Variants in CREB5 observed in about 807,000 individuals in gnomAD.
CREB5 encodes the protein cyclic AMP-responsive element-binding protein 5.
Under a neutral mutation model 57.1 loss-of-function variants are expected in CREB5, and 19 were observed. That is an observed-to-expected ratio of 0.33 (90% confidence interval 0.23 to 0.49). CREB5 has a LOEUF of 0.49. Among genes scored for constraint, CREB5 ranks in the 20% least tolerant of loss-of-function variants. The pLI is 0.99. For missense variants in CREB5, 579 were observed against 671.6 expected, an observed-to-expected ratio of 0.86 and a Z score of 1.52; for synonymous variants, 238 against 238.3, an observed-to-expected ratio of 1.00 and a Z score of 0.01.
intron 1 of CREB5, among the ~76,000 whole-genome samples, chr7:28,420,334 T>C (rs1788191111): frequency 6.6e-6 from 1 of 152,238 alleles, no homozygotes; most frequent in Non-Finnish European, 1.5e-5. Flanking sequence ...GTAAATCATG[T>C]GGCTGCTTTA....
intron 1 of CREB5, among the ~76,000 whole-genome samples, chr7:28,303,644 G>C (rs1395186089): frequency 6.6e-6 from 1 of 152,180 alleles, no homozygotes; most frequent in Non-Finnish European, 1.5e-5. Flanking sequence ...GACCTTCTAT[G>C]AGGCAGTAAA....
chr7:28,710,639 T>C (rs1226974881), intron 5 of CREB5, among the ~76,000 whole-genome samples: 1 of 152,122 alleles, frequency 6.6e-6, no homozygotes, highest in Non-Finnish European at 1.5e-5. Flanking sequence ...TAAACATAAA[T>C]CATTGATGAA....
At chr7:28,421,309 A>G (rs938144885) in intron 1 of CREB5, among the ~76,000 whole-genome samples, 5 of 152,212 alleles carry the variant, frequency 3.3e-5, no homozygotes, top group Non-Finnish European at 5.9e-5. Context: ...AAGGTGCTAC[A>G]AAAACATGAT....
intron 3 of CREB5, among the ~76,000 whole-genome samples, chr7:28,495,792 A>G (rs1243043536): frequency 6.6e-6 from 1 of 152,218 alleles, no homozygotes; most frequent in Non-Finnish European, 1.5e-5. Flanking sequence ...CTCTTTCTGG[A>G]TTGAGATGGT....
chr7:28,616,190 C>T (rs1320358525), intron 5 of CREB5, among the ~76,000 whole-genome samples: 1 of 152,152 alleles, frequency 6.6e-6, no homozygotes, highest in Admixed American at 6.5e-5. Flanking sequence ...GGCAGGAATA[C>T]TTCCCATGTG....
intron 6 of CREB5, among the ~76,000 whole-genome samples, chr7:28,720,771 G>A (rs948685834): frequency 1.1e-4 from 16 of 152,106 alleles, no homozygotes; most frequent in Admixed American, 1.0e-3. Context: ...CCAACTACGT[G>A]AAGACTTCCA....
intron 1 of CREB5, among the ~76,000 whole-genome samples, chr7:28,396,393 AC>A (rs1158002394): frequency 6.6e-6 from 1 of 152,176 alleles, no homozygotes; most frequent in East Asian, 1.9e-4. Context: ...GTATTTTTGC[AC>A]CTGTTGGGGA....
chr7:28,662,466 G>A (rs2128714261), intron 5 of CREB5, among the ~76,000 whole-genome samples: 1 of 152,326 alleles, frequency 6.6e-6, no homozygotes, highest in African/African-American at 2.4e-5. Context: ...AATGGCGGTG[G>A]TTAAACTTGG....
chr7:28,671,950 C>G (rs1287108327), intron 5 of CREB5, among the ~76,000 whole-genome samples: 1 of 152,172 alleles, frequency 6.6e-6, no homozygotes, highest in Non-Finnish European at 1.5e-5. Context: ...TATTATTACA[C>G]TTTCTTAATC....
intron 1 of CREB5, among the ~76,000 whole-genome samples, chr7:28,416,645 A>G (rs42719): frequency 0.71 from 108,508 of 152,078 alleles, 39,955 homozygotes; most frequent in East Asian, 0.96. Context: ...TAGGAGGAGA[A>G]ACAATATTAT....
At chr7:28,479,178 A>G (rs1319364958) in intron 1 of CREB5, among the ~76,000 whole-genome samples, 1 of 152,096 alleles carries the variant, frequency 6.6e-6, no homozygotes, top group Non-Finnish European at 1.5e-5. Context: ...GGCATGGGCG[A>G]GGCAGTTGTG....
intron 5 of CREB5, among the ~76,000 whole-genome samples, chr7:28,591,916 AG>A (rs1485629738): frequency 6.6e-6 from 1 of 152,156 alleles, no homozygotes; most frequent in African/African-American, 2.4e-5. Context: ...AGAAGCCCTG[AG>A]GGGGTATTCT....
intron 1 of CREB5, among the ~76,000 whole-genome samples, chr7:28,345,618 C>G (rs10807847): frequency 0.87 from 131,759 of 152,156 alleles, 57,160 homozygotes; most frequent in East Asian, 1. Context: ...AGCCCAGTGG[C>G]TGAACTAGAC....
At chr7:28,700,514 A>G (rs1296494944) in intron 5 of CREB5, among the ~76,000 whole-genome samples, 1 of 152,206 alleles carries the variant, frequency 6.6e-6, no homozygotes, top group African/African-American at 2.4e-5. Context: ...GTTTAACAAC[A>G]ACAACAAAAA....
At chr7:28,807,385 G>A (rs1449482473) in intron 8 of CREB5, among the ~76,000 whole-genome samples, 1 of 152,216 alleles carries the variant, frequency 6.6e-6, no homozygotes, top group Non-Finnish European at 1.5e-5. Flanking sequence ...GGCAGCAAAG[G>A]TTGCAGTGAA....
intron 1 of CREB5, among the ~76,000 whole-genome samples, chr7:28,337,658 C>G (rs889013001): frequency 9.2e-5 from 14 of 151,922 alleles, no homozygotes; most frequent in Non-Finnish European, 1.3e-4. Context: ...CAGTTAGCCA[C>G]TGTATGTCTT....
At chr7:28,618,324 C>G (rs1282821842) in intron 5 of CREB5, among the ~76,000 whole-genome samples, 1 of 152,148 alleles carries the variant, frequency 6.6e-6, no homozygotes, top group Non-Finnish European at 1.5e-5. Context: ...GGAGGAGATG[C>G]TTTAAAAATT....
intron 5 of CREB5, among the ~76,000 whole-genome samples, chr7:28,572,950 A>G (rs887994200): frequency 6.6e-6 from 1 of 152,172 alleles, no homozygotes; most frequent in Non-Finnish European, 1.5e-5. Context: ...TCTCATTGCC[A>G]AGCCCGAGGG....
intron 1 of CREB5, among the ~76,000 whole-genome samples, chr7:28,375,046 AT>A (rs1439486173): frequency 6.6e-6 from 1 of 152,226 alleles, no homozygotes; most frequent in African/African-American, 2.4e-5. Context: ...GGTAATGGAA[AT>A]GGTTTAAAAC....
Sources: gnomAD v4.1 joint callset for allele counts (sites outside exome capture counted in the v4.1 genomes callset) on GRCh38, gnomAD v4.1.1 for gene constraint, MANE v1.5 for transcripts, NCBI Gene and HGNC (gene_info 2026-07-23, HGNC 2026-07-21) for gene names.